Variants in IPPK observed in about 807,000 individuals in gnomAD.
IPPK encodes inositol-pentakisphosphate 2-kinase.
A neutral mutation model predicts 64.6 loss-of-function variants in IPPK; 22 were observed. The observed-to-expected ratio is 0.34, with a 90% CI of 0.24 to 0.49. The LOEUF is 0.49. IPPK is among the 20% of genes least tolerant of loss of function. IPPK has a pLI of 0.99. For synonymous variants in IPPK, 262 were observed against 247.2 expected (o/e 1.06, Z -0.56); for missense variants, 532 against 630.7 (o/e 0.84, Z 1.68).
At chr9:92,639,192 G>A (rs1053091238) in intron 8 of IPPK, among the ~76,000 whole-genome samples, 15 of 152,096 alleles carry the variant, frequency 9.9e-5, no homozygotes, top group Non-Finnish European at 1.9e-4. Context: ...GAGAACACAG[G>A]CGCACACCAC....
At position 92,640,784 on chromosome 9, in the gene IPPK, TA is replaced by T; in HGVS notation, c.564-3del. 6.2e-7 allele frequency: 1 copy of T among 1,607,734 alleles called. No homozygotes were observed. Among genetic ancestry groups the T allele is most frequent in the Non-Finnish European group, 8.5e-7 (1 of 1,174,214 alleles). ...GCAAAGTGCATTCTCTGTTTGTTTC[TA>T]AAAGGGAAAAGCATTAACATGCTTT... On this transcript the variant is annotated splice_region_variant and splice_polypyrimidine_tract_variant and intron_variant, in intron 7 of 12. Transcript: ENST00000287996.
At chr9:92,633,779 G>A (rs1251499820) in intron 11 of IPPK, among the ~76,000 whole-genome samples, 1 of 152,206 alleles carries the variant, frequency 6.6e-6, no homozygotes, top group Non-Finnish European at 1.5e-5. Context: ...GCAAACTCCT[G>A]GGTCCTGATG....
At chr9:92,630,451 C>G (rs1410702789) in intron 11 of IPPK, among the ~76,000 whole-genome samples, 1 of 152,196 alleles carries the variant, frequency 6.6e-6, no homozygotes, top group Admixed American at 6.5e-5. Context: ...CTAAAATCAA[C>G]TGTGCTGATG....
intron 12 of IPPK, chr9:92,617,893 G>A: frequency 4.4e-6 from 1 of 225,416 alleles, no homozygotes; most frequent in South Asian, 6.5e-5. Context: ...TGACAGGGCA[G>A]AAACAGTAGT....
In IPPK at chr9:92,654,301, G is replaced by A. The variant is rs571459144; in HGVS notation, c.226-1662C>T. ...GGAGGACAAGGCGGGCTGATCACTT[G>A]AGCCCAAGAGTTCGAGACCAGCCTG... On this transcript the variant is annotated intron_variant, in intron 3 of 12. Coordinates refer to ENST00000287996, the MANE Select transcript of IPPK (RefSeq NM_022755.6). Among the ~76,000 whole-genome samples, 70 of 152,234 alleles carry A rather than the reference G, an allele frequency of 4.6e-4. No homozygotes were observed. The South Asian group carries it at 8.7e-3, about 19-fold the overall frequency.
chr9:92,644,567 C>A (rs1489434154), intron 6 of IPPK, among the ~76,000 whole-genome samples: 2 of 152,176 alleles, frequency 1.3e-5, no homozygotes, highest in East Asian at 3.9e-4. Context: ...AGAACTCACC[C>A]GTGCAGGAGG....
At position 92,646,456 on chromosome 9, in the gene IPPK, T is replaced by C. The variant is rs1334117974; in HGVS notation, c.504+1603A>G. 6.6e-5 allele frequency among the ~76,000 whole-genome samples: 10 copies of C among 152,128 alleles called. No homozygotes were observed. The East Asian group carries it at 1.3e-3, about 21-fold the overall frequency. On this transcript the variant is annotated intron_variant, in intron 6 of 12. Coordinates refer to ENST00000287996, the MANE Select transcript of IPPK (RefSeq NM_022755.6). ...ACAGTGGAATGAAACTAGAAATCAG[T>C]AACAAAAGAAAATTTGACTCACAAA...
In IPPK at chr9:92,657,511, G is replaced by C. The variant is rs1217894250; in HGVS notation, c.130-960C>G. ...CTCCACACAGGAAGATCTGACAGGG[G>C]CCACAGATGCCAGGCCTTGGGGGAG... On this transcript the variant is annotated intron_variant, in intron 2 of 12. Coordinates refer to ENST00000287996, the MANE Select transcript of IPPK (RefSeq NM_022755.6). Among the ~76,000 whole-genome samples the C allele has an allele frequency of 2.9e-4, 44 of 152,208 alleles. 1 individual carries two copies. The highest frequency in any genetic ancestry group is 2.9e-3 in the Admixed American group (44 of 15,280).
intron 4 of IPPK, 105 bp downstream of exon 4, chr9:92,652,466 AAG>A: frequency 1.8e-6 from 1 of 544,158 alleles, no homozygotes; most frequent in African/African-American, 1.9e-5. Context: ...AAAAAAAAAA[AAG>A]GATTACTGAA....
chr9:92,638,136 G>C lies in IPPK; in HGVS notation c.781C>G (p.Leu261Val). ...PHCTRAVIRE[L>V]VHVITRVLLS... is the part of the protein sequence containing the mutation. ...AGCACCCGTGTGATCACGTGCACCA[G>C]CTCCCTGATCACAGCCCTTGTGCAG... The change falls in exon 9 of 13, where the codon CTG becomes GTG. Residue 261 changes from leucine to valine, a missense_variant. Leu to Val is a conservative substitution (Grantham distance 32, BLOSUM62 1). Coordinates refer to ENST00000287996, the MANE Select transcript of IPPK (RefSeq NM_022755.6). 1 of 1,614,214 alleles carries C rather than the reference G, an allele frequency of 6.2e-7. No individual in the cohort carries two copies. Among genetic ancestry groups the C allele is most frequent in the East Asian group, 2.2e-5 (1 of 44,886 alleles).
chr9:92,616,092 G>GC (rs753502163), intron 12 of IPPK, 35 bp from the exon 13 acceptor site: 10 of 1,451,104 alleles, frequency 6.9e-6, no homozygotes, highest in Admixed American at 5.5e-5. Context: ...GGATACACAA[G>GC]CCCCCCATTC....
Position 92,634,483 on chromosome 9 carries a change from G to A in IPPK, c.1073C>T (p.Thr358Ile), listed in dbSNP as rs1851901589. 1 of 1,612,310 alleles carries A rather than the reference G, an allele frequency of 6.2e-7. No homozygotes were observed. Among genetic ancestry groups the A allele is most frequent in the Non-Finnish European group, 8.5e-7 (1 of 1,178,476 alleles). Reference sequence around the variant, plus strand: ...ATCATAAGGCCCATCTATTTGTAAGGTTTTTCTGAAGAAGAAAGCACAATA... The same window carrying A: ...ATCATAAGGCCCATCTATTTGTAAGATTTTTCTGAAGAAGAAAGCACAATA... ...YLEEFPEERK[T>I]LQIDGPYDEA... Residue 358 changes from threonine to isoleucine, a missense_variant, in exon 11 of 13, where the codon ACC becomes ATC. Coordinates refer to ENST00000287996, the MANE Select transcript of IPPK (RefSeq NM_022755.6).
chr9:92,621,580 C>G (rs1037968130), intron 11 of IPPK, among the ~76,000 whole-genome samples: 1 of 138,562 alleles, frequency 7.2e-6, no homozygotes, highest in Non-Finnish European at 1.5e-5. Context: ...GTGGTACCAT[C>G]ACAGCTCACT....
intron 1 of IPPK, among the ~76,000 whole-genome samples, chr9:92,661,241 C>CT (rs1192801082): frequency 6.6e-6 from 1 of 152,238 alleles, no homozygotes; most frequent in Admixed American, 6.5e-5. Flanking sequence ...GCCTCGCCTG[C>CT]TGGCCCAGCC....
rs1851970945 is a variant in IPPK at position 92,637,866 on chromosome 9, G to C, written c.916+135C>G. 6 of 919,930 alleles carry C rather than the reference G, an allele frequency of 6.5e-6. No homozygotes were observed. The East Asian group carries it at 1.7e-4, about 26-fold the overall frequency. 57.0% of individuals were successfully genotyped at this position (919,930 alleles called of 1,614,324 possible). A position where few individuals can be genotyped will look rare whatever the true frequency, so the allele number is the denominator to read the frequency against. On this transcript the variant is annotated intron_variant, in intron 9 of 12. Transcript: ENST00000287996. ...GAGAGGCAGCGAGGCCCCGTGCTGG[G>C]AGCCCTGGCGTAACCAGGTGGCATC...
chr9:92,666,347 C>T (rs2131467098), intron 1 of IPPK, among the ~76,000 whole-genome samples: 1 of 152,278 alleles, frequency 6.6e-6, no homozygotes, highest in East Asian at 1.9e-4. Context: ...AACCAACAAG[C>T]TGAAGGCGAA....
intron 2 of IPPK, 49 bp from the exon 3 acceptor site, chr9:92,656,600 G>C (rs368841390): frequency 7.9e-7 from 1 of 1,267,466 alleles, no homozygotes; most frequent in Non-Finnish European, 1.2e-6. Flanking sequence ...CCTCCCAACA[G>C]AGCCTTGCTT....
chr9:92,666,638 T>C (rs146891473), intron 1 of IPPK, among the ~76,000 whole-genome samples: 56 of 152,228 alleles, frequency 3.7e-4, no homozygotes, highest in African/African-American at 1.3e-3. Context: ...AACACCATGG[T>C]TACCTGTGCC....
intron 11 of IPPK, among the ~76,000 whole-genome samples, chr9:92,627,434 T>C (rs546051320): frequency 6.6e-6 from 1 of 152,282 alleles, no homozygotes; most frequent in African/African-American, 2.4e-5. Flanking sequence ...CTTAAGAATA[T>C]GGATATGAGA....
Sources: gnomAD v4.1 joint callset for allele counts (sites outside exome capture counted in the v4.1 genomes callset) on GRCh38, gnomAD v4.1.1 for gene constraint, MANE v1.5 for transcripts, NCBI Gene and HGNC (gene_info 2026-07-23, HGNC 2026-07-21) for gene names.